G6PC1: variants seen among roughly 807,000 people sequenced by gnomAD.
G6PC1 encodes G-6-Pase.
A neutral mutation model predicts 30.4 loss-of-function variants in G6PC1; 23 were observed. That is an observed-to-expected ratio of 0.76 (90% CI 0.55 to 1.07). The LOEUF is 1.07. Among genes scored for constraint, G6PC1 ranks in the 50% least tolerant of loss-of-function variants. The pLI is 0.00. For missense variants in G6PC1, 391 were observed against 433.9 expected (o/e 0.90, Z 0.88); for synonymous variants, 163 against 175.6 (o/e 0.93, Z 0.57).
At chr17:42,902,372 C>T (rs1044248146) in intron 1 of G6PC1, among the ~76,000 whole-genome samples, 1 of 152,086 alleles carries the variant, frequency 6.6e-6, no homozygotes, top group Admixed American at 6.6e-5. Flanking sequence ...CTCAGCCTCC[C>T]AAGTAGCTGG....
In G6PC1 at chr17:42,903,442, G is replaced by A. The variant is rs1426455981; in HGVS notation, c.231-489G>A. The stretch of plus-strand genomic sequence containing the variant: ...TTAAATAGATCATACAGTCAGGCAC[G>A]GTGGCTCATGCCTGTAATCCCAGCA... On this transcript the variant is annotated intron_variant, in intron 1 of 4. Coordinates refer to ENST00000253801, the MANE Select transcript of G6PC1 (RefSeq NM_000151.4). Among the ~76,000 whole-genome samples the A allele has an allele frequency of 5.3e-5, 8 of 151,692 alleles. 1 individual carries two copies. Among genetic ancestry groups the A allele is most frequent in the Non-Finnish European group, 7.4e-5 (5 of 67,900 alleles).
At chr17:42,910,782 C>A in intron 4 of G6PC1, 133 bp from the exon 5 acceptor site, 1 of 854,904 alleles carries the variant, frequency 1.2e-6, no homozygotes, top group Non-Finnish European at 1.9e-6. Flanking sequence ...GCCAGGCGAC[C>A]CTCCCATCTG....
intron 2 of G6PC1, among the ~76,000 whole-genome samples, chr17:42,905,482 T>C (rs981821649): frequency 1.6e-5 from 1 of 64,196 alleles, no homozygotes; most frequent in African/African-American, 6.7e-5. Context: ...ACACATATAA[T>C]ACTAGAAAAT....
chr17:42,905,429 A>ATATATAT lies in G6PC1; in HGVS notation c.340+1389_340+1390insTATATAT, dbSNP rs1555559450. ...AGACACCATCTGAAAAAAAAAAAAAAATATATATATATATACACACACACA... is the reference window on the plus strand; with the variant it reads ...AGACACCATCTGAAAAAAAAAAAAAATATATATATATATATATATATACACACACACA... On this transcript the variant is annotated intron_variant, in intron 2 of 4. Transcript: ENST00000253801. Among the ~76,000 whole-genome samples, 36 of 120,854 alleles carry ATATATAT rather than the reference A, an allele frequency of 3.0e-4. 1 individual carries two copies. Among genetic ancestry groups the ATATATAT allele is most frequent in the African/African-American group, 1.4e-3 (35 of 25,498 alleles). 79.3% of individuals were successfully genotyped at this position (120,854 alleles called of 152,430 possible).
At position 42,900,893 on chromosome 17, in the gene G6PC1, A is replaced by C; in HGVS notation, c.17A>C (p.Asn6Thr). 6.2e-7 allele frequency: 1 copy of C among 1,613,992 alleles called. No individual in the cohort carries two copies. The highest frequency in any genetic ancestry group is 8.5e-7 in the Non-Finnish European group (1 of 1,179,874). The change falls in exon 1 of 5, where the codon AAT (asparagine) becomes ACT (threonine). Residue 6 changes from asparagine (N) to threonine (T), a missense_variant. Coordinates refer to ENST00000253801, the MANE Select transcript of G6PC1 (RefSeq NM_000151.4). MEEGM[N>T]VLHDFGIQST... ...GAAATGAGGATGGAGGAAGGAATGA[A>C]TGTTCTCCATGACTTTGGGATCCAG...
rs763543607 is a variant in G6PC1 at position 42,909,388 on chromosome 17, C to T, written c.532C>T (p.Pro178Ser). ...ACGAATCTACCTTGCTGCTCATTTT[C>T]CTCATCAAGTTGTTGCTGGAGTCCT... ...LSRIYLAAHF[P>S]HQVVAGVLSG... Residue 178 changes from proline (P) to serine (S), a missense_variant, in exon 4 of 5, where the codon CCT (proline) becomes TCT (serine). By Grantham distance (74) the Pro-to-Ser change is moderately conservative. Transcript: ENST00000253801. The T allele has an allele frequency of 1.1e-5, 17 of 1,614,004 alleles. No homozygotes were observed. Among genetic ancestry groups the T allele is most frequent in the Non-Finnish European group, 1.4e-5 (17 of 1,179,996 alleles).
At chr17:42,909,266 C>A (rs1460795869) in intron 3 of G6PC1, 37 bp from the exon 4 acceptor site, 2 of 1,437,394 alleles carry the variant, frequency 1.4e-6, no homozygotes, top group South Asian at 1.1e-5. Flanking sequence ...GAAGGATCTG[C>A]ACCTGTGTTC....
At chr17:42,909,776 G>A (rs1260398770) in intron 4 of G6PC1, among the ~76,000 whole-genome samples, 2 of 152,004 alleles carry the variant, frequency 1.3e-5, no homozygotes, top group African/African-American at 2.4e-5. Flanking sequence ...TCCTAGGAAA[G>A]CTGTTCATTT....
In G6PC1 at chr17:42,911,081, G is replaced by T. The variant is rs1567706350; in HGVS notation, c.729G>T (p.Arg243Ser). The T allele has an allele frequency of 6.2e-7, 1 of 1,614,144 alleles. No homozygotes were observed. The highest frequency in any genetic ancestry group is 8.5e-7 in the Non-Finnish European group (1 of 1,180,026). ...TGTGGACTCTGGAGAAAGCCCAGAGGTGGTGCGAGCAGCCAGAATGGGTCC... is the reference window on the plus strand; with the variant it reads ...TGTGGACTCTGGAGAAAGCCCAGAGTTGGTGCGAGCAGCCAGAATGGGTCC... The part of the protein sequence containing the change: ...DLLWTLEKAQ[R>S]WCEQPEWVHI... The change falls in exon 5 of 5, where the codon AGG becomes AGT. Residue 243 changes from arginine to serine, a missense_variant. Arg to Ser is a moderately radical substitution (Grantham distance 110). Transcript: ENST00000253801.
At chr17:42,905,412 T>C (rs1389775143) in intron 2 of G6PC1, among the ~76,000 whole-genome samples, 2 of 96,010 alleles carry the variant, frequency 2.1e-5, no homozygotes, top group South Asian at 3.1e-4. Context: ...TGAGACACCA[T>C]CTGAAAAAAA....
At chr17:42,903,861 C>T in intron 1 of G6PC1, 70 bp from the exon 2 acceptor site, 1 of 1,002,154 alleles carries the variant, frequency 1.0e-6, no homozygotes, top group South Asian at 1.3e-5. Flanking sequence ...CTACACTCTT[C>T]TTGAAGGTGT....
chr17:42,902,277 C>T (rs1463786035), intron 1 of G6PC1, among the ~76,000 whole-genome samples: 2 of 152,130 alleles, frequency 1.3e-5, no homozygotes, highest in African/African-American at 2.4e-5. Context: ...GAGATGGAGT[C>T]TCGCACTGTT....
chr17:42,903,632 G>A (rs1250122262), intron 1 of G6PC1, among the ~76,000 whole-genome samples: 1 of 151,876 alleles, frequency 6.6e-6, no homozygotes, highest in East Asian at 1.9e-4. Context: ...GAGGATCCCA[G>A]GAGGTAGAGG....
rs969826245 is a variant in G6PC1 at position 42,909,168 on chromosome 17, G to T, written c.447-135G>T. On this transcript the variant is annotated intron_variant, in intron 3 of 4. Coordinates refer to ENST00000253801, the MANE Select transcript of G6PC1 (RefSeq NM_000151.4). ...CCCCAACAGGCATCTTTGGACTTTT[G>T]AGTACTGGCTTTAATTTACAAAAAT... The T allele has an allele frequency of 7.7e-6, 6 of 782,374 alleles. No homozygotes were observed. The African/African-American group carries it at 1.0e-4, about 13-fold the overall frequency. 48.5% of individuals were successfully genotyped at this position (782,374 alleles called of 1,614,324 possible). A position where few individuals can be genotyped will look rare whatever the true frequency, so the allele number is the denominator to read the frequency against.
intron 1 of G6PC1, among the ~76,000 whole-genome samples, chr17:42,901,778 T>C (rs144514962): frequency 3.0e-4 from 46 of 152,232 alleles, no homozygotes; most frequent in African/African-American, 1.1e-3. Context: ...CAGCCTGTTT[T>C]GTGGGGTAAT....
intron 2 of G6PC1, among the ~76,000 whole-genome samples, chr17:42,904,607 G>T (rs1178682502): frequency 6.6e-6 from 1 of 152,106 alleles, no homozygotes; most frequent in Admixed American, 6.6e-5. Context: ...ACTAGGGAAG[G>T]TCCCTTAGTT....
chr17:42,901,242 G>A, intron 1 of G6PC1, 136 bp downstream of exon 1: 1 of 770,902 alleles, frequency 1.3e-6, no homozygotes, highest in Non-Finnish European at 2.3e-6. Flanking sequence ...CCCTCTCTCT[G>A]ACTTTGGATC....
Position 42,903,941 on chromosome 17 carries a change from G to T in G6PC1, c.241G>T (p.Gly81Ter). 6.2e-7 allele frequency: 1 copy of T among 1,611,464 alleles called. No individual in the cohort carries two copies. The highest frequency in any genetic ancestry group is 1.1e-5 in the South Asian group (1 of 91,024). The stretch of plus-strand genomic sequence containing the variant: ...TCTGTTTTTCCATAGGATTCTCTTT[G>T]GACAGCGTCCATACTGGTGGGTTTT... ...LNLVFKWILF[G>*]QRPYWWVLDT... Residue 81 changes from glycine to a stop codon, truncating the protein, a stop_gained, in exon 2 of 5, where the codon GGA (glycine) becomes TGA (stop). Transcript: ENST00000253801. LOFTEE classifies it high-confidence loss of function.
In G6PC1 at chr17:42,900,966, C is replaced by A; in HGVS notation, c.90C>A (p.Phe30Leu). Residue 30 changes from phenylalanine (F) to leucine (L), a missense_variant, in exon 1 of 5, where the codon TTC (phenylalanine) becomes TTA (leucine). Physicochemically the swap from Phe to Leu is conservative, Grantham distance 22 (BLOSUM62 0). Coordinates refer to ENST00000253801, the MANE Select transcript of G6PC1 (RefSeq NM_000151.4). Reference protein sequence around the residue: ...QVNYQDSQDWFILVSVIADLR... With the variant: ...QVNYQDSQDWLILVSVIADLR... ...ATTACCAAGACTCCCAGGACTGGTT[C>A]ATCTTGGTGTCCGTGATCGCAGACC... The A allele has an allele frequency of 1.2e-6, 2 of 1,614,134 alleles. No individual in the cohort carries two copies. Among genetic ancestry groups the A allele is most frequent in the Non-Finnish European group, 1.7e-6 (2 of 1,179,986 alleles).
Sources: gnomAD v4.1 joint callset for allele counts (sites outside exome capture counted in the v4.1 genomes callset) on GRCh38, gnomAD v4.1.1 for gene constraint, MANE v1.5 for transcripts, NCBI Gene and HGNC (gene_info 2026-07-23, HGNC 2026-07-21) for gene names.